The following MEF2B variants were observed in gnomAD, a reference collection of about 807,000 sequenced individuals.
MEF2B encodes the protein myocyte enhancer factor 2B.
In MEF2B, 15 loss-of-function variants were observed where a neutral mutation model predicts 32.2. The observed-to-expected ratio is 0.47, with a 90% CI of 0.31 to 0.72. The LOEUF (loss-of-function observed/expected upper bound fraction) is 0.72. Ranked by LOEUF, MEF2B falls within the 30% of genes least tolerant of loss-of-function variation. The pLI, the probability that MEF2B is intolerant of heterozygous loss-of-function variation, is 0.05. For synonymous variants in MEF2B, 205 were observed against 225.6 expected (o/e 0.91, Z 0.82); for missense variants, 441 against 511.5 (o/e 0.86, Z 1.33).
At chr19:19,152,696 C>T (rs1277571141) in intron 1 of MEF2B, among the ~76,000 whole-genome samples, 3 of 152,162 alleles carry the variant, frequency 2.0e-5, no homozygotes, top group South Asian at 2.1e-4. Context: ...AGCGAGACTC[C>T]GTCTCAAAAA....
At chr19:19,168,403 C>T (rs2060226887) in intron 1 of MEF2B, among the ~76,000 whole-genome samples, 1 of 150,198 alleles carries the variant, frequency 6.7e-6, no homozygotes, top group Non-Finnish European at 1.5e-5. Context: ...CCTCCTGAGT[C>T]GCTGGGATTA....
At chr19:19,146,467 A>G in intron 7 of MEF2B, 83 bp from the exon 8 acceptor site, 2 of 1,356,232 alleles carry the variant, frequency 1.5e-6, no homozygotes, top group Non-Finnish European at 2.0e-6. Context: ...GACAGTTTTG[A>G]GTTCTGGTGG....
chr19:19,152,358 G>A (rs71332143), intron 1 of MEF2B, among the ~76,000 whole-genome samples: 46,888 of 144,304 alleles, frequency 0.32, 7,728 homozygotes, highest in African/African-American at 0.36. Context: ...TCCAGCCTGG[G>A]TGATAGAGCA....
At chr19:19,148,401 G>T (rs1453008520) in intron 3 of MEF2B, among the ~76,000 whole-genome samples, 1 of 152,220 alleles carries the variant, frequency 6.6e-6, no homozygotes, top group African/African-American at 2.4e-5. Flanking sequence ...AGAGGCGGAG[G>T]TTGCGGTGAG....
At chr19:19,151,958 ATTT>A (rs201703145) in intron 1 of MEF2B, among the ~76,000 whole-genome samples, 287 of 116,566 alleles carry the variant, frequency 2.5e-3, no homozygotes, top group African/African-American at 8.4e-3. Context: ...CCCCATCTCT[ATTT>A]TTTTTTTTTT....
intron 1 of MEF2B, among the ~76,000 whole-genome samples, chr19:19,161,441 A>C (rs529569905): frequency 1.3e-5 from 2 of 152,186 alleles, no homozygotes; most frequent in African/African-American, 4.8e-5. Flanking sequence ...GAAAGTCCCC[A>C]AAATACATGC....
Position 19,165,319 on chromosome 19 carries a change from T to C in MEF2B, c.-30+4886A>G, listed in dbSNP as rs181448120. 1.9e-4 allele frequency among the ~76,000 whole-genome samples: 29 copies of C among 152,198 alleles called. No homozygotes were observed. In the East Asian group the frequency reaches 4.6e-3, roughly 24 times the overall value. Reference sequence around the variant, plus strand: ...AGAGGATCCAGGAGGGTACCACACCTGTAATCCCGGCTACTCAGGAGGCTG... The same window carrying C: ...AGAGGATCCAGGAGGGTACCACACCCGTAATCCCGGCTACTCAGGAGGCTG... On this transcript the variant is annotated intron_variant, in intron 1 of 8. Coordinates refer to ENST00000424583, the MANE Select transcript of MEF2B (RefSeq NM_001145785.2).
intron 1 of MEF2B, among the ~76,000 whole-genome samples, chr19:19,152,025 A>G (rs2060086718): frequency 6.9e-6 from 1 of 144,164 alleles, no homozygotes; most frequent in African/African-American, 2.6e-5. Flanking sequence ...CAATGGCGCG[A>G]TCTCGGCTCA....
intron 1 of MEF2B, among the ~76,000 whole-genome samples, chr19:19,164,950 G>C (rs2146383276): frequency 6.6e-6 from 1 of 152,308 alleles, no homozygotes; most frequent in Non-Finnish European, 1.5e-5. Flanking sequence ...TGGATCCCCA[G>C]ATGCCCCAGC....
At chr19:19,161,644 C>T (rs1033666977) in intron 1 of MEF2B, among the ~76,000 whole-genome samples, 2 of 152,016 alleles carry the variant, frequency 1.3e-5, no homozygotes, top group African/African-American at 2.4e-5. Context: ...CCCGCAAATA[C>T]ACACAGACCC....
intron 1 of MEF2B, among the ~76,000 whole-genome samples, chr19:19,158,457 A>C (rs1165790528): frequency 2.0e-5 from 3 of 151,030 alleles, no homozygotes; most frequent in African/African-American, 4.9e-5. Context: ...AAAAAAAAAA[A>C]AAAAACAAAC....
At chr19:19,153,569 G>A (rs906160142) in intron 1 of MEF2B, among the ~76,000 whole-genome samples, 7 of 151,844 alleles carry the variant, frequency 4.6e-5, no homozygotes, top group South Asian at 4.2e-4. Flanking sequence ...TGATTCTCCC[G>A]TTTCAGCCTC....
intron 1 of MEF2B, among the ~76,000 whole-genome samples, chr19:19,163,420 G>A (rs983904007): frequency 3.3e-5 from 5 of 152,108 alleles, no homozygotes; most frequent in Non-Finnish European, 7.4e-5. Flanking sequence ...ATAGTGCTGG[G>A]ATTACAGGTG....
chr19:19,149,537 T>A (rs536213560), intron 2 of MEF2B, 108 bp from the exon 3 acceptor site: 1 of 1,422,634 alleles, frequency 7.0e-7, no homozygotes, highest in South Asian at 1.3e-5. Context: ...GCCTCAGGAT[T>A]CTTTCTGGCT....
chr19:19,146,672 G>C (rs115016922), intron 6 of MEF2B, 24 bp from the exon 7 acceptor site: 1 of 1,613,442 alleles, frequency 6.2e-7, no homozygotes, highest in South Asian at 1.1e-5. Context: ...GGGTGAAGGG[G>C]AAACTGAGGC....
At chr19:19,150,540 A>G (rs984364943) in intron 2 of MEF2B, 142 bp downstream of exon 2, 106 of 1,132,782 alleles carry the variant, frequency 9.4e-5, no homozygotes, top group East Asian at 3.5e-4. Context: ...AAAAAAAAAA[A>G]AAAGAAAGGC....
At chr19:19,158,870 G>T (rs1014725648) in intron 1 of MEF2B, among the ~76,000 whole-genome samples, 3 of 152,052 alleles carry the variant, frequency 2.0e-5, no homozygotes, top group African/African-American at 4.8e-5. Context: ...GGGGGAGGCA[G>T]AGGTTGCAGT....
intron 1 of MEF2B, among the ~76,000 whole-genome samples, chr19:19,151,266 A>C (rs1274056580): frequency 2.0e-5 from 3 of 152,070 alleles, no homozygotes; most frequent in African/African-American, 7.2e-5. Context: ...AAAAGAAAAC[A>C]GAATAATAGA....
At chr19:19,154,487 G>A (rs10854006) in intron 1 of MEF2B, among the ~76,000 whole-genome samples, 2 of 151,716 alleles carry the variant, frequency 1.3e-5, no homozygotes, top group South Asian at 2.1e-4. Flanking sequence ...TGAGACAGAG[G>A]CTTGCTCTGT....
Sources: gnomAD v4.1 joint callset for allele counts (sites outside exome capture counted in the v4.1 genomes callset) on GRCh38, gnomAD v4.1.1 for gene constraint, MANE v1.5 for transcripts, NCBI Gene and HGNC (gene_info 2026-07-23, HGNC 2026-07-21) for gene names.